The following RPS6KC1 variants were observed in gnomAD, a reference collection of about 807,000 sequenced individuals.
RPS6KC1 encodes the protein inactive ribosomal protein S6 kinase delta-1.
Under a neutral mutation model 103.8 loss-of-function variants are expected in RPS6KC1, and 54 were observed. That is an observed-to-expected ratio of 0.52 (90% CI 0.42 to 0.65). The LOEUF (loss-of-function observed/expected upper bound fraction) is 0.65. Ranked by LOEUF, RPS6KC1 falls within the 30% of genes least tolerant of loss-of-function variation. The pLI is 0.00. For synonymous variants in RPS6KC1, 439 were observed against 438.7 expected, an observed-to-expected ratio of 1.00 and a Z score of -0.01; for missense variants, 1,151 against 1,253.8, an observed-to-expected ratio of 0.92 and a Z score of 1.24.
chr1:213,269,163 G>C (rs1257575107), intron 14 of RPS6KC1, among the ~76,000 whole-genome samples: 2 of 152,168 alleles, frequency 1.3e-5, no homozygotes, highest in African/African-American at 4.8e-5. Flanking sequence ...GAAAGAGCTG[G>C]AGTGGCAATA....
chr1:213,665,546 A>G, the RPS6KC1 span, among the ~76,000 whole-genome samples: 1 of 152,326 alleles, frequency 6.6e-6, no homozygotes, highest in Admixed American at 6.5e-5. Context: ...TCCAAATCTG[A>G]TCTACATGTC....
chr1:213,459,688 C>T, the RPS6KC1 span, among the ~76,000 whole-genome samples: 5 of 152,130 alleles, frequency 3.3e-5, no homozygotes, highest in African/African-American at 1.2e-4. Context: ...GTTAGGGTGT[C>T]GTTTTGGATC....
chr1:213,152,116 C>T (rs1464301728), intron 6 of RPS6KC1, among the ~76,000 whole-genome samples: 1 of 139,836 alleles, frequency 7.2e-6, no homozygotes, highest in African/African-American at 2.7e-5. Context: ...TCCTCACTTC[C>T]CAGTAGGGGC....
At chr1:213,764,932 A>G in the RPS6KC1 span, among the ~76,000 whole-genome samples, 20 of 152,146 alleles carry the variant, frequency 1.3e-4, no homozygotes, top group Non-Finnish European at 2.9e-5. Context: ...ATTTCCTTCC[A>G]TGAAATCTCC....
intron 8 of RPS6KC1, among the ~76,000 whole-genome samples, chr1:213,201,391 T>C (rs1158161573): frequency 6.6e-6 from 1 of 152,190 alleles, no homozygotes; most frequent in Non-Finnish European, 1.5e-5. Flanking sequence ...ATTGTATGAC[T>C]TCTGGAAAAG....
the RPS6KC1 span, among the ~76,000 whole-genome samples, chr1:213,802,893 G>C: frequency 6.6e-6 from 1 of 152,150 alleles, no homozygotes; most frequent in Non-Finnish European, 1.5e-5. Context: ...TTAGCCTGGA[G>C]AAGAGAGGAT....
the RPS6KC1 span, among the ~76,000 whole-genome samples, chr1:213,802,974 C>A: frequency 2.0e-4 from 30 of 152,120 alleles, no homozygotes; most frequent in African/African-American, 7.0e-4. Flanking sequence ...AGGGAGCTAA[C>A]TTTTACTGAG....
the RPS6KC1 span, among the ~76,000 whole-genome samples, chr1:213,342,538 A>G: frequency 6.6e-6 from 1 of 152,086 alleles, no homozygotes; most frequent in Non-Finnish European, 1.5e-5. Context: ...GCCTTTCTTA[A>G]TTTGTCATGG....
the RPS6KC1 span, among the ~76,000 whole-genome samples, chr1:213,357,842 T>C: frequency 6.6e-6 from 1 of 152,140 alleles, no homozygotes; most frequent in Non-Finnish European, 1.5e-5. Flanking sequence ...CCTGGCTGGC[T>C]CTTGTGTGGC....
the RPS6KC1 span, among the ~76,000 whole-genome samples, chr1:213,467,412 A>G: frequency 6.6e-6 from 1 of 152,234 alleles, no homozygotes; most frequent in Non-Finnish European, 1.5e-5. Flanking sequence ...TCAAATGCAC[A>G]CAAAAATATT....
At chr1:213,163,123 TA>T (rs760151691) in intron 6 of RPS6KC1, among the ~76,000 whole-genome samples, 4 of 152,076 alleles carry the variant, frequency 2.6e-5, no homozygotes, top group Non-Finnish European at 4.4e-5. Flanking sequence ...AATCAGCACT[TA>T]AAAAAAACTA....
chr1:213,274,963 C>T (rs1432596877), downstream of RPS6KC1, among the ~76,000 whole-genome samples: 1 of 152,178 alleles, frequency 6.6e-6, no homozygotes, highest in Non-Finnish European at 1.5e-5. Context: ...TAACTCCTCC[C>T]CATTCCACAC....
At chr1:213,208,173 C>T (rs2093408722) in intron 8 of RPS6KC1, among the ~76,000 whole-genome samples, 1 of 152,206 alleles carries the variant, frequency 6.6e-6, no homozygotes, top group African/African-American at 2.4e-5. Flanking sequence ...CAAGTACAAA[C>T]ACCTCAAATA....
At position 213,169,705 on chromosome 1, in the gene RPS6KC1, C is replaced by T. The variant is rs368426569; in HGVS notation, c.951+1732C>T. Among the ~76,000 whole-genome samples, 34 of 151,678 alleles carry T rather than the reference C, an allele frequency of 2.2e-4. 1 individual carries two copies. The East Asian group carries it at 6.0e-3, about 27-fold the overall frequency. On this transcript the variant is annotated intron_variant, in intron 7 of 14. Coordinates refer to ENST00000366960, the MANE Select transcript of RPS6KC1 (RefSeq NM_012424.6). ...CATTGATGAAAGCATTAACATAATT[C>T]CCTGTGAACTTGCTTTACTAAATCC...
intron 5 of RPS6KC1, among the ~76,000 whole-genome samples, chr1:213,122,033 T>C (rs2084447922): frequency 6.6e-6 from 1 of 152,190 alleles, no homozygotes; most frequent in African/African-American, 2.4e-5. Flanking sequence ...TATTTTAAAG[T>C]AAATGAAATG....
At chr1:213,291,278 C>A in the RPS6KC1 span, among the ~76,000 whole-genome samples, 1 of 152,326 alleles carries the variant, frequency 6.6e-6, no homozygotes, top group African/African-American at 2.4e-5. Context: ...GTGTGAGGTT[C>A]TGGAAGCATC....
chr1:213,306,880 G>A, the RPS6KC1 span, among the ~76,000 whole-genome samples: 1 of 152,240 alleles, frequency 6.6e-6, no homozygotes, highest in South Asian at 2.1e-4. Flanking sequence ...AGCATCTGTC[G>A]TGGGACGTCT....
intron 6 of RPS6KC1, among the ~76,000 whole-genome samples, chr1:213,139,057 T>C (rs2086711715): frequency 6.6e-6 from 1 of 151,908 alleles, no homozygotes; most frequent in Non-Finnish European, 1.5e-5. Flanking sequence ...CTGACTGGTA[T>C]GAGATGCTGT....
chr1:213,330,473 T>C, the RPS6KC1 span, among the ~76,000 whole-genome samples: 1 of 152,178 alleles, frequency 6.6e-6, no homozygotes, highest in Non-Finnish European at 1.5e-5. Flanking sequence ...AGAAGCTCCC[T>C]AATAGAAGCT....
Sources: allele counts gnomAD v4.1 joint callset (sites outside exome capture counted in the v4.1 genomes callset), GRCh38; gene constraint gnomAD v4.1.1; transcripts MANE v1.5; gene names NCBI Gene and HGNC (gene_info 2026-07-23, HGNC 2026-07-21).